SORCS2: variants seen among roughly 807,000 people sequenced by gnomAD.
SORCS2 encodes the protein sortilin related VPS10 domain containing receptor 2, also known as VPS10 domain-containing receptor SorCS2.
In SORCS2, 100 loss-of-function variants were observed where a neutral mutation model predicts 141.6. The observed-to-expected ratio is 0.71, with a 90% CI of 0.60 to 0.83. SORCS2 has a LOEUF of 0.83. Ranked by LOEUF, SORCS2 falls within the 40% of genes least tolerant of loss-of-function variation. The pLI, the probability that SORCS2 is intolerant of heterozygous loss-of-function variation, is 0.00. For synonymous variants in SORCS2, 789 were observed against 676.9 expected, an observed-to-expected ratio of 1.17 and a Z score of -2.57; for missense variants, 1,646 against 1,560.2, an observed-to-expected ratio of 1.05 and a Z score of -0.93.
chr4:7,500,255 C>G (rs891290544), intron 2 of SORCS2, among the ~76,000 whole-genome samples: 2 of 152,132 alleles, frequency 1.3e-5, no homozygotes, highest in African/African-American at 4.8e-5. Context: ...TGGGAGGTCA[C>G]GCCTGGAGGA....
intron 4 of SORCS2, among the ~76,000 whole-genome samples, chr4:7,640,266 G>A (rs768248214): frequency 6.6e-5 from 10 of 150,862 alleles, no homozygotes; most frequent in African/African-American, 1.2e-4. Context: ...GTATGTATGT[G>A]AGCATGTGTG....
chr4:7,578,655 A>G (rs1320580772), intron 3 of SORCS2, among the ~76,000 whole-genome samples: 1 of 152,210 alleles, frequency 6.6e-6, no homozygotes. Flanking sequence ...GTGCCTGCGC[A>G]GCTGGGGCAG....
At chr4:7,377,382 C>G (rs1429731251) in intron 1 of SORCS2, among the ~76,000 whole-genome samples, 1 of 152,038 alleles carries the variant, frequency 6.6e-6, no homozygotes, top group African/African-American at 2.4e-5. Context: ...GACCTTCTGC[C>G]AAGGGTCTGA....
chr4:7,485,740 A>C (rs1439767541), intron 2 of SORCS2, among the ~76,000 whole-genome samples: 1 of 152,160 alleles, frequency 6.6e-6, no homozygotes, highest in East Asian at 1.9e-4. Flanking sequence ...GGGTGGCTAG[A>C]TGCAGCTAGC....
At chr4:7,505,531 TG>T (rs1320064844) in intron 2 of SORCS2, among the ~76,000 whole-genome samples, 1 of 152,130 alleles carries the variant, frequency 6.6e-6, no homozygotes, top group Non-Finnish European at 1.5e-5. Flanking sequence ...TGGGTGGCAT[TG>T]GAGCCCTCTC....
chr4:7,520,405 A>T (rs572823904), intron 2 of SORCS2, among the ~76,000 whole-genome samples: 1 of 152,326 alleles, frequency 6.6e-6, no homozygotes, highest in East Asian at 1.9e-4. Flanking sequence ...GTCCGAGGTC[A>T]TGCCCCTATT....
chr4:7,223,230 C>A (rs1235059234), intron 1 of SORCS2, among the ~76,000 whole-genome samples: 1 of 152,086 alleles, frequency 6.6e-6, no homozygotes, highest in Non-Finnish European at 1.5e-5. Flanking sequence ...TACCAATGGC[C>A]AGCTTTTGGT....
chr4:7,566,089 AGAT>A (rs1299983559), intron 3 of SORCS2, among the ~76,000 whole-genome samples: 2 of 147,388 alleles, frequency 1.4e-5, no homozygotes, highest in African/African-American at 2.5e-5. Context: ...ATGATGACAG[AGAT>A]GATGATAATG....
At chr4:7,662,080 C>T (rs1051238088) in intron 6 of SORCS2, among the ~76,000 whole-genome samples, 3 of 152,300 alleles carry the variant, frequency 2.0e-5, no homozygotes, top group South Asian at 4.1e-4. Context: ...TGGCCAACCT[C>T]GGGGCCCGAG....
rs1417718872 is a variant in SORCS2 at position 7,192,989 on chromosome 4, C to A, written c.343C>A (p.Arg115=). ...GGACGGCGCCCCCGCCGCGGGCTAC[C>A]GGCGCTGGGAGCGGGCGGCGCCGCT... is the stretch of plus-strand genomic sequence containing the variant. ...GEDGAPAAGY[R]RWERAAPLAG... is the part of the protein sequence containing the mutation. Residue 115 remains arginine (R), a synonymous_variant, in exon 1 of 27, where the codon CGG becomes AGG. Transcript: ENST00000507866. This position sits in a 1 kb window ranked among gnomAD's most constrained non-coding sequence, Gnocchi z 4.0. The A allele has an allele frequency of 2.8e-6, 4 of 1,427,456 alleles. No homozygotes were observed. The Admixed American group carries it at 9.0e-5, about 32-fold the overall frequency. 88.4% of individuals were successfully genotyped at this position (1,427,456 alleles called of 1,614,324 possible).
chr4:7,662,995 C>CGAGT (rs776479902), intron 6 of SORCS2, among the ~76,000 whole-genome samples: 59 of 145,938 alleles, frequency 4.0e-4, no homozygotes, highest in African/African-American at 1.4e-3. Context: ...AGTGAGTGAG[C>CGAGT]GAGTGAGTGG....
chr4:7,496,040 G>C (rs988215739), intron 2 of SORCS2, among the ~76,000 whole-genome samples: 5 of 152,240 alleles, frequency 3.3e-5, no homozygotes, highest in Non-Finnish European at 5.9e-5. Flanking sequence ...GGAAGGCCAG[G>C]CTAGCTGTCA....
chr4:7,346,739 C>T (rs1193723958), intron 1 of SORCS2, among the ~76,000 whole-genome samples: 3 of 152,224 alleles, frequency 2.0e-5, no homozygotes, highest in Non-Finnish European at 4.4e-5. Context: ...TATATTTGTA[C>T]TTGTTATATC....
intron 1 of SORCS2, among the ~76,000 whole-genome samples, chr4:7,226,567 C>T (rs1173557973): frequency 6.6e-6 from 1 of 152,154 alleles, no homozygotes; most frequent in East Asian, 1.9e-4. Flanking sequence ...TTTTTCCAGG[C>T]ACACTAACAC....
At chr4:7,399,823 C>G (rs375382427) in intron 2 of SORCS2, among the ~76,000 whole-genome samples, 11 of 152,196 alleles carry the variant, frequency 7.2e-5, no homozygotes, top group South Asian at 6.2e-4. Flanking sequence ...TTTGGGCCAG[C>G]CAGGGAAGGC....
rs141376921 is a variant in SORCS2, at chr4:7,475,989, C to T, written c.549-55541C>T. ...TGGGGCTGGGGGCTTCCCTCGGCTG[C>T]CTAGGAGAGTGAGTGGGCACTGTGG... On this transcript the variant is annotated intron_variant, in intron 2 of 26. Transcript: ENST00000507866. 4.1e-3 allele frequency among the ~76,000 whole-genome samples: 617 copies of T among 152,332 alleles called. 6 individuals carry two copies. The highest frequency in any genetic ancestry group is 0.014 in the African/African-American group (577 of 41,586).
At chr4:7,421,090 G>C (rs555664432) in intron 2 of SORCS2, among the ~76,000 whole-genome samples, 3 of 152,288 alleles carry the variant, frequency 2.0e-5, no homozygotes, top group South Asian at 2.1e-4. Context: ...CCCTAGGGCT[G>C]TTTCGCTCCA....
At chr4:7,423,514 A>T (rs1238029479) in intron 2 of SORCS2, among the ~76,000 whole-genome samples, 2 of 152,078 alleles carry the variant, frequency 1.3e-5, no homozygotes, top group African/African-American at 4.8e-5. Context: ...TCCTGGCCCC[A>T]AGCAGTGCTC....
intron 4 of SORCS2, among the ~76,000 whole-genome samples, chr4:7,642,494 G>A (rs1009406879): frequency 1.3e-5 from 2 of 152,200 alleles, no homozygotes; most frequent in African/African-American, 2.4e-5. Flanking sequence ...AAGGAATGAG[G>A]AATGTGAGGA....
Sources: allele counts gnomAD v4.1 joint callset (sites outside exome capture counted in the v4.1 genomes callset), GRCh38; gene constraint gnomAD v4.1.1; non-coding constraint Gnocchi (gnomAD v3.1); transcripts MANE v1.5; gene names NCBI Gene and HGNC (gene_info 2026-07-23, HGNC 2026-07-21).